The following TADA2A variants were observed in gnomAD, a reference collection of about 807,000 sequenced individuals.
TADA2A encodes transcriptional adapter 2-alpha.
Under a neutral mutation model 67.4 loss-of-function variants are expected in TADA2A, and 38 were observed. The ratio of observed to expected loss-of-function variants is 0.56; its 90% CI spans 0.44 to 0.74. TADA2A has a LOEUF of 0.74. Among genes scored for constraint, TADA2A ranks in the 30% least tolerant of loss-of-function variants. TADA2A has a pLI of 0.00. For missense variants in TADA2A, 454 were observed against 547.0 expected (o/e 0.83, Z 1.70); for synonymous variants, 192 against 181.6 (o/e 1.06, Z -0.46).
rs1279986724 is a variant in TADA2A, at chr17:37,479,368, G to C, written c.*2386G>C. ...ACTCTGAAAAGCTGATGGCAAATCA[G>C]ATTTCATGAGGAAAATGGCATGGTT... is the stretch of plus-strand genomic sequence containing the variant. On this transcript the variant is annotated 3_prime_UTR_variant, in exon 16 of 16. Coordinates refer to ENST00000615182, the MANE Select transcript of TADA2A (RefSeq NM_001166105.3). 1 of 152,192 alleles carries C rather than the reference G, an allele frequency of 6.6e-6. No homozygotes were observed. Among genetic ancestry groups the C allele is most frequent in the African/African-American group, 2.4e-5 (1 of 41,442 alleles). The allele number at this position is 152,192 out of a possible 1,614,324, so 9.4% of individuals were successfully genotyped here.
intron 2 of TADA2A, among the ~76,000 whole-genome samples, chr17:37,418,321 A>G (rs1239775538): frequency 6.6e-6 from 1 of 152,218 alleles, no homozygotes; most frequent in Non-Finnish European, 1.5e-5. Flanking sequence ...GAATGTATTG[A>G]GCATTGTAGG....
intron 8 of TADA2A, among the ~76,000 whole-genome samples, chr17:37,451,021 AT>A (rs1271111644): frequency 6.7e-6 from 1 of 150,222 alleles, no homozygotes; most frequent in Non-Finnish European, 1.5e-5. Flanking sequence ...AGCAGTATTT[AT>A]TCAGAGGCTT....
intron 12 of TADA2A, among the ~76,000 whole-genome samples, chr17:37,468,935 C>T (rs2053726134): frequency 6.6e-6 from 1 of 151,146 alleles, no homozygotes; most frequent in South Asian, 2.1e-4. Flanking sequence ...GAGTCTGGCT[C>T]TGTTGCGCAG....
chr17:37,465,355 T>TAA (rs142934801), intron 10 of TADA2A, 76 bp from the exon 11 acceptor site: 174 of 991,074 alleles, frequency 1.8e-4, no homozygotes, highest in Non-Finnish European at 2.1e-4. Flanking sequence ...TTACTAATTG[T>TAA]AAAAAAAAAA....
rs926717425 is a variant in TADA2A at position 37,471,226 on chromosome 17, G to GT, written c.1072+90dup. Reference sequence around the variant, plus strand: ...ACCCAGCAATCTTCCTTCCTCTGTGGTGTCAGGGTGCTTAGGCAGAGTAAC... The same window carrying GT: ...ACCCAGCAATCTTCCTTCCTCTGTGGTTGTCAGGGTGCTTAGGCAGAGTAAC... On this transcript the variant is annotated intron_variant, in intron 14 of 15. Coordinates refer to ENST00000615182, the MANE Select transcript of TADA2A (RefSeq NM_001166105.3). 6.7e-6 allele frequency: 9 copies of GT among 1,351,858 alleles called. No individual in the cohort carries two copies. In the African/African-American group the frequency reaches 1.1e-4, roughly 17 times the overall value. The allele number at this position is 1,351,858 out of a possible 1,614,324, so 83.7% of individuals were successfully genotyped here. A position where few individuals can be genotyped will look rare whatever the true frequency, so the allele number is the denominator to read the frequency against.
chr17:37,433,726 G>A (rs1380798694), intron 4 of TADA2A, among the ~76,000 whole-genome samples: 1 of 152,062 alleles, frequency 6.6e-6, no homozygotes, highest in Non-Finnish European at 1.5e-5. Context: ...GCCGAGGTGG[G>A]CGGATTACTT....
intron 6 of TADA2A, 44 bp from the exon 7 acceptor site, chr17:37,442,520 C>G: frequency 6.9e-7 from 1 of 1,448,362 alleles, no homozygotes; most frequent in Non-Finnish European, 9.6e-7. Context: ...TTTTTCATGC[C>G]AATATTGTAT....
chr17:37,474,699 C>T (rs1385216082), intron 15 of TADA2A, 70 bp downstream of exon 15: 2 of 1,492,324 alleles, frequency 1.3e-6, no homozygotes, highest in African/African-American at 2.8e-5. Flanking sequence ...CATTAAAAAT[C>T]CATTACAGGG....
rs569725094 is a variant in TADA2A, at chr17:37,459,395, G to A, written c.668+808G>A. On this transcript the variant is annotated intron_variant, in intron 9 of 15. Coordinates refer to ENST00000615182, the MANE Select transcript of TADA2A (RefSeq NM_001166105.3). Reference sequence around the variant, plus strand: ...CCTCCTGGGTTCATGTGATTCTCCAGCCTCAGCCTCCCAAGTGGCTGGGAC... The same window carrying A: ...CCTCCTGGGTTCATGTGATTCTCCAACCTCAGCCTCCCAAGTGGCTGGGAC... Among the ~76,000 whole-genome samples the A allele has an allele frequency of 1.4e-4, 21 of 150,924 alleles. No homozygotes were observed. The South Asian group carries it at 4.4e-3, about 32-fold the overall frequency.
At chr17:37,458,826 G>A (rs974009329) in intron 9 of TADA2A, among the ~76,000 whole-genome samples, 3 of 152,000 alleles carry the variant, frequency 2.0e-5, no homozygotes, top group African/African-American at 4.8e-5. Flanking sequence ...ACAGCAGTGC[G>A]CCACCATGCC....
chr17:37,456,001 T>C (rs1372654874), intron 8 of TADA2A, among the ~76,000 whole-genome samples: 1 of 152,046 alleles, frequency 6.6e-6, no homozygotes, highest in East Asian at 1.9e-4. Context: ...GTTAGGAGTT[T>C]AAGACCAGCC....
chr17:37,472,213 C>T (rs1272518065), intron 14 of TADA2A, among the ~76,000 whole-genome samples: 1 of 151,964 alleles, frequency 6.6e-6, no homozygotes, highest in African/African-American at 2.4e-5. Flanking sequence ...TTAGAGGCGC[C>T]TGCCACTATG....
rs2053454484 is a variant in TADA2A at position 37,458,457 on chromosome 17, G to A, written c.605-67G>A. 10 of 1,085,978 alleles carry A rather than the reference G, an allele frequency of 9.2e-6. No individual in the cohort carries two copies. The East Asian group carries it at 2.9e-4, about 31-fold the overall frequency. 67.3% of individuals were successfully genotyped at this position (1,085,978 alleles called of 1,614,324 possible). ...TGGGTAAAAGATTTATTTTTGTCTT[G>A]GTTTTATTTATTTATATAATATATA... On this transcript the variant is annotated intron_variant, in intron 8 of 15. Coordinates refer to ENST00000615182, the MANE Select transcript of TADA2A (RefSeq NM_001166105.3).
In TADA2A at chr17:37,426,832, G is replaced by A. The variant is rs367695537; in HGVS notation, c.133-118G>A. The A allele has an allele frequency of 1.1e-4, 93 of 877,280 alleles. No homozygotes were observed. The East Asian group carries it at 2.1e-3, about 19-fold the overall frequency. 54.3% of individuals were successfully genotyped at this position (877,280 alleles called of 1,614,324 possible). A position where few individuals can be genotyped will look rare whatever the true frequency, so the allele number is the denominator to read the frequency against. ...TGCACTTCGGCCTGGGTGACAGAACGAGACCCTGTCTCCAAAAATAAAATT... is the reference window on the plus strand; with the variant it reads ...TGCACTTCGGCCTGGGTGACAGAACAAGACCCTGTCTCCAAAAATAAAATT... On this transcript the variant is annotated intron_variant, in intron 3 of 15. Transcript: ENST00000615182.
intron 8 of TADA2A, among the ~76,000 whole-genome samples, chr17:37,453,792 CAG>C (rs1201535507): frequency 1.1e-3 from 86 of 75,314 alleles, no homozygotes; most frequent in African/African-American, 4.6e-3. Context: ...TTTTTTGAGA[CAG>C]AGTTTTACTC....
Position 37,409,681 on chromosome 17 carries a change from C to T in TADA2A, c.-97-1588C>T, listed in dbSNP as rs1597834245. ...AATTGGGAGGCTGAGGCAGGAGACT[C>T]GCTTGAACCCGGGAGGCGGAAGTTG... is the stretch of plus-strand genomic sequence containing the variant. On this transcript the variant is annotated intron_variant, in intron 1 of 15. Transcript: ENST00000615182. Among the ~76,000 whole-genome samples the T allele has an allele frequency of 2.6e-5, 4 of 151,424 alleles. No homozygotes were observed. The South Asian group carries it at 8.3e-4, about 32-fold the overall frequency.
At chr17:37,464,001 A>G (rs995638382) in intron 10 of TADA2A, among the ~76,000 whole-genome samples, 9 of 152,130 alleles carry the variant, frequency 5.9e-5, no homozygotes, top group African/African-American at 9.7e-5. Flanking sequence ...GCTGTCATAA[A>G]TGAAAGTCTG....
At chr17:37,437,708 T>C (rs2147961102) in intron 4 of TADA2A, 30 bp from the exon 5 acceptor site, 4 of 1,604,996 alleles carry the variant, frequency 2.5e-6, no homozygotes, top group Non-Finnish European at 3.4e-6. Context: ...TTTGTATCTC[T>C]GTTCTTAAGC....
intron 1 of TADA2A, among the ~76,000 whole-genome samples, chr17:37,409,771 AAAAAAC>A (rs1023953646): frequency 8.4e-5 from 12 of 143,308 alleles, no homozygotes; most frequent in African/African-American, 1.2e-4. Context: ...TAGTCTCAAA[AAAAAAC>A]AAAAACAAAA....
Sources: gnomAD v4.1 joint callset for allele counts (sites outside exome capture counted in the v4.1 genomes callset) on GRCh38, gnomAD v4.1.1 for gene constraint, MANE v1.5 for transcripts, NCBI Gene and HGNC (gene_info 2026-07-23, HGNC 2026-07-21) for gene names.